The following PLPP1 variants were observed in gnomAD, a reference collection of about 807,000 sequenced individuals.
PLPP1 encodes lipid phosphate phosphohydrolase 1a.
In PLPP1, 24 loss-of-function variants were observed where a neutral mutation model predicts 31.2. The observed-to-expected ratio is 0.77, with a 90% confidence interval of 0.56 to 1.08. PLPP1 has a LOEUF of 1.08. Ranked by LOEUF, PLPP1 falls within the 50% of genes least tolerant of loss-of-function variation. The pLI is 0.00. For synonymous variants in PLPP1, 146 were observed against 126.3 expected, an observed-to-expected ratio of 1.16 and a Z score of -1.05; for missense variants, 319 against 342.7, an observed-to-expected ratio of 0.93 and a Z score of 0.55.
At chr5:55,506,360 GAAC>G (rs1193177442) in intron 1 of PLPP1, among the ~76,000 whole-genome samples, 53 of 151,154 alleles carry the variant, frequency 3.5e-4, no homozygotes, top group Admixed American at 3.5e-3. Context: ...GCACTTGAGT[GAAC>G]ACTAAGGCAG....
chr5:55,434,626 G>A (rs915479335), intron 4 of PLPP1, among the ~76,000 whole-genome samples: 1 of 151,966 alleles, frequency 6.6e-6, no homozygotes, highest in Non-Finnish European at 1.5e-5. Flanking sequence ...ATAAGTCCAC[G>A]TATTTACAGC....
At chr5:55,447,241 C>T (rs900194134) in intron 3 of PLPP1, among the ~76,000 whole-genome samples, 1 of 152,144 alleles carries the variant, frequency 6.6e-6, no homozygotes, top group Non-Finnish European at 1.5e-5. Context: ...AAATCAGTCA[C>T]TTTACTAACA....
chr5:55,493,188 G>A (rs1430891646), intron 1 of PLPP1, among the ~76,000 whole-genome samples: 2 of 151,976 alleles, frequency 1.3e-5, no homozygotes, highest in Non-Finnish European at 2.9e-5. Flanking sequence ...GGTGGCATGT[G>A]CCTGTAGTCC....
At chr5:55,530,127 G>A (rs1579990191) in intron 1 of PLPP1, 4 of 1,127,780 alleles carry the variant, frequency 3.5e-6, no homozygotes, top group East Asian at 2.4e-5. Flanking sequence ...GCACTTGCAG[G>A]TACAAAGATG....
At chr5:55,524,991 C>T (rs374367888) in intron 1 of PLPP1, among the ~76,000 whole-genome samples, 1 of 149,408 alleles carries the variant, frequency 6.7e-6, no homozygotes, top group East Asian at 2.0e-4. Flanking sequence ...TAATTACTCT[C>T]CACCACAGAC....
intron 1 of PLPP1, chr5:55,484,499 GA>G (rs1752736060): frequency 2.0e-5 from 3 of 152,136 alleles, no homozygotes; most frequent in Middle Eastern, 3.4e-3. Flanking sequence ...AGGAAACAAC[GA>G]AAACTTTTTT....
At chr5:55,464,528 T>C (rs1014791193) in intron 3 of PLPP1, among the ~76,000 whole-genome samples, 1 of 152,272 alleles carries the variant, frequency 6.6e-6, no homozygotes, top group Non-Finnish European at 1.5e-5. Flanking sequence ...TGAGCCACCA[T>C]ACCCAGCCAG....
chr5:55,441,398 A>G (rs1442739009), intron 4 of PLPP1, among the ~76,000 whole-genome samples: 1 of 152,216 alleles, frequency 6.6e-6, no homozygotes, highest in East Asian at 1.9e-4. Flanking sequence ...CACTCTGGGA[A>G]TGTTTTAGAA....
intron 1 of PLPP1, chr5:55,530,732 A>C: frequency 6.4e-7 from 1 of 1,574,064 alleles, no homozygotes; most frequent in Non-Finnish European, 8.7e-7. Flanking sequence ...CACAGGGGAC[A>C]ATGTGCTCCG....
At chr5:55,526,918 C>T (rs757524534) in intron 1 of PLPP1, among the ~76,000 whole-genome samples, 8 of 108,586 alleles carry the variant, frequency 7.4e-5, no homozygotes, top group Non-Finnish European at 1.3e-4. Context: ...GGCGACAGAG[C>T]GAGATTCCAT....
At chr5:55,525,424 C>T (rs1288611130) in intron 1 of PLPP1, among the ~76,000 whole-genome samples, 2 of 152,256 alleles carry the variant, frequency 1.3e-5, no homozygotes, top group East Asian at 3.9e-4. Flanking sequence ...GACTATGCTG[C>T]CTAACATTTT....
Position 55,475,402 on chromosome 5 carries a change from C to G in PLPP1, c.107G>C (p.Arg36Pro). ...ILTSRHTPFQ[R>P]GVFCNDESIK... ...GGACTCATCATTACAGAATACTCCT[C>G]GTTGGAAGGGGGTATGCCTTGAAGT... Residue 36 changes from arginine to proline, a missense_variant, in exon 2 of 6, where the codon CGA becomes CCA. Arg to Pro is a moderately radical substitution (Grantham distance 103). Transcript: ENST00000307259. 1 of 1,612,454 alleles carries G rather than the reference C, an allele frequency of 6.2e-7. No individual in the cohort carries two copies. The highest frequency in any genetic ancestry group is 8.5e-7 in the Non-Finnish European group (1 of 1,179,122).
chr5:55,443,212 T>TATATATATATATAC (rs1169152710), intron 3 of PLPP1, among the ~76,000 whole-genome samples: 38 of 104,970 alleles, frequency 3.6e-4, no homozygotes, highest in Non-Finnish European at 4.6e-4. Flanking sequence ...TATATATATA[T>TATATATATATATAC]ACACACACAC....
chr5:55,516,284 C>T (rs1035622847), intron 1 of PLPP1, among the ~76,000 whole-genome samples: 3 of 152,192 alleles, frequency 2.0e-5, no homozygotes, highest in African/African-American at 7.2e-5. Context: ...AGCTTCCTAA[C>T]TGATCTCCCT....
chr5:55,534,768 C>A lies in PLPP1; in HGVS notation c.-139G>T. On this transcript the variant is annotated 5_prime_UTR_variant, in exon 1 of 6. Coordinates refer to ENST00000307259, the MANE Select transcript of PLPP1 (RefSeq NM_003711.4). The stretch of plus-strand genomic sequence containing the variant: ...CTCCCAGCCGGAGGAGGAGAGCAGC[C>A]GAGGGCGGGCTGAGACCGGGCGGCG... The A allele has an allele frequency of 1.1e-6, 1 of 903,298 alleles. No homozygotes were observed. Among genetic ancestry groups the A allele is most frequent in the East Asian group, 3.2e-5 (1 of 30,806 alleles). The allele number at this position is 903,298 out of a possible 1,614,324, so 56.0% of individuals were successfully genotyped here.
intron 3 of PLPP1, among the ~76,000 whole-genome samples, chr5:55,454,933 G>A (rs868356213): frequency 2.0e-4 from 30 of 152,124 alleles, no homozygotes; most frequent in African/African-American, 6.0e-4. Context: ...TACTAGGTAC[G>A]TAAGTACCAC....
At chr5:55,489,337 T>C in intron 1 of PLPP1, among the ~76,000 whole-genome samples, 1 of 152,208 alleles carries the variant, frequency 6.6e-6, no homozygotes, top group East Asian at 1.9e-4. Flanking sequence ...CCACAACTAC[T>C]TAGTACTTCA....
At chr5:55,449,757 T>C (rs1751854373) in intron 3 of PLPP1, among the ~76,000 whole-genome samples, 2 of 152,166 alleles carry the variant, frequency 1.3e-5, no homozygotes, top group African/African-American at 4.8e-5. Flanking sequence ...TTCAGTAAAT[T>C]AACTCTGCCA....
chr5:55,533,381 CAAAA>C (rs35146174), intron 1 of PLPP1, among the ~76,000 whole-genome samples: 2 of 113,390 alleles, frequency 1.8e-5, no homozygotes. Context: ...AGACTGTATC[CAAAA>C]AAAAAAAAAA....
Sources: allele counts gnomAD v4.1 joint callset (sites outside exome capture counted in the v4.1 genomes callset), GRCh38; gene constraint gnomAD v4.1.1; transcripts MANE v1.5; gene names NCBI Gene and HGNC (gene_info 2026-07-23, HGNC 2026-07-21).